Variants in SEC14L1 observed in about 807,000 individuals in gnomAD.
The protein encoded by SEC14L1 is SEC14 like lipid binding 1.
A neutral mutation model predicts 85.3 loss-of-function variants in SEC14L1; 48 were observed. The observed-to-expected ratio is 0.56, with a 90% CI of 0.45 to 0.72. The LOEUF (loss-of-function observed/expected upper bound fraction) is 0.72, where lower values mean the gene tolerates loss of function less well. SEC14L1 is among the 30% of genes least tolerant of loss of function. SEC14L1 has a pLI of 0.00. For missense variants in SEC14L1, 682 were observed against 921.4 expected (o/e 0.74, Z 3.36); for synonymous variants, 391 against 355.5 (o/e 1.10, Z -1.12).
chr17:77,179,902 C>T (rs1394144161), intron 3 of SEC14L1, among the ~76,000 whole-genome samples: 1 of 152,008 alleles, frequency 6.6e-6, no homozygotes. Flanking sequence ...TGGTCTTGAT[C>T]TCTTGACCTT....
chr17:77,204,080 C>T (rs568103283), intron 10 of SEC14L1, among the ~76,000 whole-genome samples: 415 of 152,308 alleles, frequency 2.7e-3, no homozygotes, highest in African/African-American at 9.7e-3. Context: ...AGCCAGGCCC[C>T]GCTCCACTGC....
chr17:77,199,005 C>CG (rs1555627567), intron 8 of SEC14L1: 7,332 of 133,856 alleles, frequency 0.055, 299 homozygotes, highest in Admixed American at 0.12. Flanking sequence ...CGTCTTCTTT[C>CG]TTTTTTTTTT....
At chr17:77,121,466 C>A (rs1462219711) in intron 3 of SEC14L1, among the ~76,000 whole-genome samples, 2 of 152,170 alleles carry the variant, frequency 1.3e-5, no homozygotes, top group Non-Finnish European at 2.9e-5. Context: ...TCAAGCGATT[C>A]TCCTGCCTCA....
At chr17:77,170,696 G>A (rs188785095) in intron 3 of SEC14L1, among the ~76,000 whole-genome samples, 1 of 152,306 alleles carries the variant, frequency 6.6e-6, no homozygotes, top group Non-Finnish European at 1.5e-5. Context: ...TTTTGTCCGA[G>A]GTAGCTGGGT....
chr17:77,126,022 A>C (rs1972437309), intron 3 of SEC14L1, among the ~76,000 whole-genome samples: 1 of 152,162 alleles, frequency 6.6e-6, no homozygotes, highest in African/African-American at 2.4e-5. Flanking sequence ...ATGGTGGCGC[A>C]TGCCTGTAAT....
Position 77,212,221 on chromosome 17 carries a change from A to G in SEC14L1, c.1863+20A>G. 1 of 1,611,094 alleles carries G rather than the reference A, an allele frequency of 6.2e-7. No individual in the cohort carries two copies. Among genetic ancestry groups the G allele is most frequent in the African/African-American group, 1.3e-5 (1 of 74,998 alleles). ...GTGCAGGTAAAATCACACACAGGTCAAATCGCGCATCCGTGACTCCACACG... is the reference window on the plus strand; with the variant it reads ...GTGCAGGTAAAATCACACACAGGTCGAATCGCGCATCCGTGACTCCACACG... On this transcript the variant is annotated intron_variant, in intron 15 of 16. Transcript: ENST00000436233.
At chr17:77,146,127 T>A (rs1247732823) in intron 3 of SEC14L1, among the ~76,000 whole-genome samples, 1 of 152,238 alleles carries the variant, frequency 6.6e-6, no homozygotes, top group Non-Finnish European at 1.5e-5. Context: ...GTGGATTGTT[T>A]GCCTTAGGTG....
At chr17:77,185,602 A>G (rs1206485376) in intron 3 of SEC14L1, among the ~76,000 whole-genome samples, 4 of 152,144 alleles carry the variant, frequency 2.6e-5, no homozygotes, top group African/African-American at 9.7e-5. Context: ...TCTGCCCTAT[A>G]TGTCACTTAA....
At chr17:77,170,647 C>T (rs72878689) in intron 3 of SEC14L1, among the ~76,000 whole-genome samples, 3,192 of 152,246 alleles carry the variant, frequency 0.021, 45 homozygotes, top group Non-Finnish European at 0.029. Context: ...TGTCCTTTTG[C>T]GGGGCTGTTT....
At chr17:77,169,152 C>G (rs1974422947) in intron 3 of SEC14L1, among the ~76,000 whole-genome samples, 1 of 151,692 alleles carries the variant, frequency 6.6e-6, no homozygotes, top group African/African-American at 2.4e-5. Context: ...ACCGCAGTAC[C>G]ACCATACATT....
chr17:77,167,945 G>A (rs1447809114), intron 3 of SEC14L1, among the ~76,000 whole-genome samples: 4 of 152,198 alleles, frequency 2.6e-5, no homozygotes, highest in South Asian at 2.1e-4. Context: ...AGAGTACACC[G>A]AGCAAAGGAG....
chr17:77,194,966 C>A, intron 7 of SEC14L1, 55 bp downstream of exon 7: 2 of 1,316,146 alleles, frequency 1.5e-6, no homozygotes, highest in Non-Finnish European at 2.2e-6. Flanking sequence ...TCGGCGTTGC[C>A]GTTTTCTCTC....
At chr17:77,116,128 C>CACT (rs1972167411) in intron 3 of SEC14L1, among the ~76,000 whole-genome samples, 1 of 152,066 alleles carries the variant, frequency 6.6e-6, no homozygotes, top group African/African-American at 2.4e-5. Context: ...CTATGTTGCC[C>CACT]AGGTTGGTCT....
upstream of SEC14L1, among the ~76,000 whole-genome samples, chr17:77,140,065 C>T (rs757015974): frequency 4.6e-5 from 7 of 152,202 alleles, no homozygotes; most frequent in Non-Finnish European, 1.0e-4. Flanking sequence ...AGTGAAATTG[C>T]ATGTTGGTTA....
chr17:77,162,644 C>T (rs55821130), intron 3 of SEC14L1, among the ~76,000 whole-genome samples: 26,754 of 151,874 alleles, frequency 0.18, 2,796 homozygotes, highest in Non-Finnish European at 0.24. Flanking sequence ...AGCAGCATGA[C>T]CAACATGGAG....
intron 3 of SEC14L1, among the ~76,000 whole-genome samples, chr17:77,099,746 ACT>A (rs1391171008): frequency 6.6e-6 from 1 of 151,794 alleles, no homozygotes; most frequent in African/African-American, 2.4e-5. Flanking sequence ...ACAGAGTGAG[ACT>A]CTCTCAAACA....
At chr17:77,189,697 C>T (rs1353792548) in intron 3 of SEC14L1, among the ~76,000 whole-genome samples, 1 of 152,152 alleles carries the variant, frequency 6.6e-6, no homozygotes, top group Non-Finnish European at 1.5e-5. Flanking sequence ...GGCGCGATCT[C>T]GGCTCACTGC....
At position 77,200,601 on chromosome 17, in the gene SEC14L1, A is replaced by G. The variant is rs1460702372; in HGVS notation, c.937A>G (p.Ile313Val). ...GAGAAAGCAGCATCAGGTAGACTAC[A>G]TTCTTGAAACCTGGACCCCTCCTCA... ...TWRKQHQVDY[I>V]LETWTPPQVL... Residue 313 changes from isoleucine (I) to valine (V), a missense_variant, in exon 9 of 17, where the codon ATT becomes GTT. Ile to Val is a conservative substitution (Grantham distance 29). Around this residue, in one of 3 missense-constraint regions of SEC14L1, gnomAD observed 420 missense variants for 619.5 expected, o/e 0.68. Coordinates refer to ENST00000436233, the MANE Select transcript of SEC14L1 (RefSeq NM_001143998.2). 4 of 1,614,092 alleles carry G rather than the reference A, an allele frequency of 2.5e-6. No individual in the cohort carries two copies. Among genetic ancestry groups the G allele is most frequent in the African/African-American group, 2.7e-5 (2 of 74,932 alleles).
intron 3 of SEC14L1, among the ~76,000 whole-genome samples, chr17:77,187,777 C>A (rs1014836932): frequency 1.4e-5 from 2 of 144,666 alleles, no homozygotes; most frequent in Non-Finnish European, 3.0e-5. Context: ...CTTACTCTTA[C>A]TCTGTTACCC....
Sources: allele counts gnomAD v4.1 joint callset (sites outside exome capture counted in the v4.1 genomes callset), GRCh38; gene constraint gnomAD v4.1.1; regional missense constraint gnomAD v4.1.1; transcripts MANE v1.5; gene names NCBI Gene and HGNC (gene_info 2026-07-23, HGNC 2026-07-21).